ULK4: variants seen among roughly 807,000 people sequenced by gnomAD.
The protein encoded by ULK4 is unc-51 like kinase 4, also known as inactive serine/threonine-protein kinase ULK4.
A neutral mutation model predicts 160.6 loss-of-function variants in ULK4; 133 were observed. The ratio of observed to expected loss-of-function variants is 0.83; its 90% confidence interval spans 0.72 to 0.96. The LOEUF is 0.96. Among genes scored for constraint, ULK4 ranks in the 40% least tolerant of loss-of-function variants. The probability of loss-of-function intolerance (pLI) is 0.00; values close to 1 mark genes in which losing one functional copy is unlikely to be tolerated. For missense variants in ULK4, 1,580 were observed against 1,499.5 expected (o/e 1.05, Z -0.89); for synonymous variants, 534 against 539.8 (o/e 0.99, Z 0.15).
chr3:41,636,546 AAAAAG>A (rs1183532344), intron 30 of ULK4, among the ~76,000 whole-genome samples: 1 of 151,856 alleles, frequency 6.6e-6, no homozygotes, highest in African/African-American at 2.4e-5. Flanking sequence ...AAGAAAAAAA[AAAAAG>A]AAAAGAAGAG....
At chr3:41,545,832 C>T (rs1353836114) in intron 32 of ULK4, among the ~76,000 whole-genome samples, 3 of 152,098 alleles carry the variant, frequency 2.0e-5, no homozygotes, top group Non-Finnish European at 2.9e-5. Context: ...CTGTCTCTCA[C>T]ATGGGAAAAT....
chr3:41,260,641 G>A (rs2078921765), intron 35 of ULK4, among the ~76,000 whole-genome samples: 1 of 152,214 alleles, frequency 6.6e-6, no homozygotes, highest in African/African-American at 2.4e-5. Flanking sequence ...CAGTGCATCT[G>A]CTGATCACCA....
At chr3:41,513,487 T>A (rs565905374) in intron 32 of ULK4, among the ~76,000 whole-genome samples, 2 of 152,100 alleles carry the variant, frequency 1.3e-5, no homozygotes, top group African/African-American at 4.8e-5. Context: ...ACCAAAGTTA[T>A]CTGGGCGTGG....
chr3:41,909,298 T>C (rs968523978), intron 11 of ULK4, among the ~76,000 whole-genome samples: 64 of 151,212 alleles, frequency 4.2e-4, no homozygotes, highest in African/African-American at 1.4e-3. Flanking sequence ...TTCCCAAGTA[T>C]CAGGATCCTC....
intron 8 of ULK4, among the ~76,000 whole-genome samples, chr3:41,914,049 A>G (rs1322366438): frequency 4.6e-5 from 7 of 152,160 alleles, no homozygotes; most frequent in Admixed American, 4.6e-4. Context: ...AAATAATATT[A>G]CCTAGCTAGT....
intron 17 of ULK4, among the ~76,000 whole-genome samples, chr3:41,842,139 C>CAG (rs2041943409): frequency 1.5e-5 from 1 of 68,782 alleles, no homozygotes; most frequent in African/African-American, 4.8e-5. Context: ...TCAATAAATA[C>CAG]AAAAAAAAAA....
chr3:41,586,871 T>C (rs953123722), intron 31 of ULK4, among the ~76,000 whole-genome samples: 1 of 152,156 alleles, frequency 6.6e-6, no homozygotes, highest in East Asian at 1.9e-4. Flanking sequence ...TTAAAAGACA[T>C]TGAAAATTTG....
intron 32 of ULK4, among the ~76,000 whole-genome samples, chr3:41,483,802 C>A (rs2084410980): frequency 6.6e-6 from 1 of 152,120 alleles, no homozygotes; most frequent in South Asian, 2.1e-4. Context: ...CCATTATAAT[C>A]ACAAGGATCC....
chr3:41,453,414 C>T (rs934218243), intron 34 of ULK4, among the ~76,000 whole-genome samples: 3 of 152,114 alleles, frequency 2.0e-5, no homozygotes, highest in Admixed American at 2.0e-4. Flanking sequence ...AGGACCCAAT[C>T]GATTCTCCCA....
chr3:41,768,685 A>G (rs757804909), intron 21 of ULK4, among the ~76,000 whole-genome samples: 8 of 152,194 alleles, frequency 5.3e-5, no homozygotes, highest in Admixed American at 1.3e-4. Context: ...CAAATTACAG[A>G]TTTGTGAGCA....
intron 5 of ULK4, among the ~76,000 whole-genome samples, chr3:41,920,463 C>T (rs1699145426): frequency 6.6e-6 from 1 of 152,120 alleles, no homozygotes; most frequent in African/African-American, 2.4e-5. Context: ...TTTAATATTA[C>T]ACAGAAATCC....
At chr3:41,744,635 C>G (rs1257313397) in intron 22 of ULK4, among the ~76,000 whole-genome samples, 1 of 151,858 alleles carries the variant, frequency 6.6e-6, no homozygotes, top group African/African-American at 2.4e-5. Flanking sequence ...CAACACCCTA[C>G]TTTCAGAAAT....
intron 17 of ULK4, among the ~76,000 whole-genome samples, chr3:41,879,583 C>T (rs1304711809): frequency 6.6e-6 from 1 of 152,090 alleles, no homozygotes; most frequent in Non-Finnish European, 1.5e-5. Flanking sequence ...ACAGCCTCAA[C>T]CTCCCAGGGT....
chr3:41,301,659 T>C (rs1343187848), intron 35 of ULK4, among the ~76,000 whole-genome samples: 1 of 152,230 alleles, frequency 6.6e-6, no homozygotes, highest in Non-Finnish European at 1.5e-5. Flanking sequence ...TAAGTATCTT[T>C]ATTTTAAATA....
intron 30 of ULK4, among the ~76,000 whole-genome samples, chr3:41,660,232 T>C (rs1559467932): frequency 6.6e-6 from 1 of 151,338 alleles, no homozygotes; most frequent in African/African-American, 2.4e-5. Context: ...GAAGCGGAGG[T>C]TGTGATGAGC....
intron 30 of ULK4, among the ~76,000 whole-genome samples, chr3:41,616,439 T>C (rs567568048): frequency 7.2e-5 from 11 of 152,190 alleles, no homozygotes; most frequent in African/African-American, 2.6e-4. Flanking sequence ...CCAACTGAGG[T>C]ACCCAGTTCA....
intron 35 of ULK4, among the ~76,000 whole-genome samples, chr3:41,372,530 C>T (rs2081391409): frequency 6.6e-6 from 1 of 152,122 alleles, no homozygotes; most frequent in Non-Finnish European, 1.5e-5. Flanking sequence ...ATTTCATATC[C>T]AGCCAAACTA....
At chr3:41,955,860 T>C (rs1311777403) in intron 1 of ULK4, 1 of 151,408 alleles carries the variant, frequency 6.6e-6, no homozygotes, top group African/African-American at 2.4e-5. Flanking sequence ...AGGGTATGAA[T>C]TAGATTTTAT....
chr3:41,427,788 T>C (rs574751431), intron 34 of ULK4, among the ~76,000 whole-genome samples: 1 of 152,270 alleles, frequency 6.6e-6, no homozygotes, highest in East Asian at 1.9e-4. Flanking sequence ...ATATGAGCCA[T>C]TTATGACAAA....
Sources: gnomAD v4.1 joint callset for allele counts (sites outside exome capture counted in the v4.1 genomes callset) on GRCh38, gnomAD v4.1.1 for gene constraint, MANE v1.5 for transcripts, NCBI Gene and HGNC (gene_info 2026-07-23, HGNC 2026-07-21) for gene names.